The following CHST9 variants were observed in gnomAD, a reference collection of about 807,000 sequenced individuals.
The protein encoded by CHST9 is carbohydrate sulfotransferase 9, also known as GalNAc-4-sulfotransferase 2.
CHST9 carries 41 observed loss-of-function variants against 44.4 expected under a neutral mutation model. The observed-to-expected ratio is 0.92, with a 90% CI of 0.72 to 1.20. The LOEUF is 1.20. Among genes scored for constraint, CHST9 ranks in the 50% most tolerant of loss-of-function variants. CHST9 has a pLI of 0.00. For synonymous variants in CHST9, 171 were observed against 178.4 expected (o/e 0.96, Z 0.33); for missense variants, 504 against 516.5 (o/e 0.98, Z 0.23).
rs2057044874 is a variant in CHST9 at position 27,008,583 on chromosome 18, GAGC to G, written c.202+15530_202+15532del. Among the ~76,000 whole-genome samples the G allele has an allele frequency of 2.6e-5, 4 of 152,268 alleles. No homozygotes were observed. In the South Asian group the frequency reaches 8.3e-4, roughly 32 times the overall value. The stretch of plus-strand genomic sequence containing the variant: ...TTTTGGCTTTGAAACAGTGTGTATT[GAGC>G]AGATGTTTCTTTAAGTTGACAATCC... On this transcript the variant is annotated intron_variant, in intron 4 of 5. Transcript: ENST00000618847.
In CHST9 at chr18:27,151,167, T is replaced by C. The variant is rs533058897; in HGVS notation, c.-96-8262A>G. On this transcript the variant is annotated intron_variant, in intron 1 of 5. Coordinates refer to ENST00000618847, the MANE Select transcript of CHST9 (RefSeq NM_031422.6). ...CTTTATCATTTATTATTTCATTTAC[T>C]AGTTTAGTAGTTAAATAACCCCATT... Among the ~76,000 whole-genome samples, 12 of 152,316 alleles carry C rather than the reference T, an allele frequency of 7.9e-5. No homozygotes were observed. In the East Asian group the frequency reaches 1.4e-3, roughly 17 times the overall value.
chr18:27,112,115 ATATAT>A (rs2058276182), intron 2 of CHST9, among the ~76,000 whole-genome samples: 2 of 148,474 alleles, frequency 1.3e-5, no homozygotes, highest in Non-Finnish European at 3.0e-5. Flanking sequence ...TTAATAATGT[ATATAT>A]TATATTAATA....
chr18:27,105,401 C>A (rs1171913821), intron 2 of CHST9, among the ~76,000 whole-genome samples: 2 of 152,102 alleles, frequency 1.3e-5, no homozygotes, highest in East Asian at 1.9e-4. Flanking sequence ...AATCTGAGGA[C>A]TCATTGTGAT....
At chr18:27,044,714 T>C (rs540036733) in intron 3 of CHST9, among the ~76,000 whole-genome samples, 1 of 152,024 alleles carries the variant, frequency 6.6e-6, no homozygotes, top group Non-Finnish European at 1.5e-5. Flanking sequence ...TCAAAAACAC[T>C]ATAAAAATAG....
At chr18:27,113,565 G>C (rs975579000) in intron 2 of CHST9, among the ~76,000 whole-genome samples, 1 of 152,082 alleles carries the variant, frequency 6.6e-6, no homozygotes, top group Non-Finnish European at 1.5e-5. Context: ...GGTGCCCTTG[G>C]GAATGGGATT....
At chr18:26,919,205 G>A (rs969005716) in intron 5 of CHST9, among the ~76,000 whole-genome samples, 2 of 152,110 alleles carry the variant, frequency 1.3e-5, no homozygotes, top group African/African-American at 4.8e-5. Flanking sequence ...TGAGATTTGG[G>A]TTGGGACACA....
intron 5 of CHST9, among the ~76,000 whole-genome samples, chr18:26,920,162 C>G (rs563853869): frequency 6.6e-6 from 1 of 152,164 alleles, no homozygotes; most frequent in Non-Finnish European, 1.5e-5. Flanking sequence ...AACAGAGGAG[C>G]TCTCCACTTC....
intron 2 of CHST9, among the ~76,000 whole-genome samples, chr18:27,073,942 T>G (rs1447261204): frequency 6.6e-6 from 1 of 152,180 alleles, no homozygotes; most frequent in African/African-American, 2.4e-5. Context: ...TAATCTTAGT[T>G]GCACCCTACA....
At chr18:27,140,162 T>G (rs979026708) in intron 2 of CHST9, among the ~76,000 whole-genome samples, 1 of 152,168 alleles carries the variant, frequency 6.6e-6, no homozygotes, top group African/African-American at 2.4e-5. Flanking sequence ...AGTGATACAT[T>G]GAGCAGAGGC....
chr18:27,141,967 G>T (rs1863630), intron 2 of CHST9, among the ~76,000 whole-genome samples: 121,215 of 152,148 alleles, frequency 0.8, 48,554 homozygotes, highest in East Asian at 0.92. Context: ...TTAACAGTAA[G>T]TGAGTGCCTC....
chr18:26,973,898 ACT>A (rs932169687), intron 4 of CHST9, among the ~76,000 whole-genome samples: 15 of 152,136 alleles, frequency 9.9e-5, no homozygotes, highest in Admixed American at 8.5e-4. Flanking sequence ...TTGTGTTCAG[ACT>A]CTCATGCTGA....
chr18:27,131,456 C>T lies in CHST9; in HGVS notation c.121+11233G>A, dbSNP rs139270294. ...CTTCCAGCTACTTGGGTGGCTGAGG[C>T]AGGAGAATTGCTTGAACCTGGGAGG... On this transcript the variant is annotated intron_variant, in intron 2 of 5. Coordinates refer to ENST00000618847, the MANE Select transcript of CHST9 (RefSeq NM_031422.6). Among the ~76,000 whole-genome samples the T allele has an allele frequency of 2.6e-3, 391 of 152,296 alleles. 11 individuals carry two copies. In the East Asian group the frequency reaches 0.069, roughly 27 times the overall value.
At chr18:27,176,849 A>C (rs1031156163) in intron 1 of CHST9, among the ~76,000 whole-genome samples, 16 of 152,048 alleles carry the variant, frequency 1.1e-4, no homozygotes, top group Non-Finnish European at 1.6e-4. Context: ...TCTATTCTAA[A>C]TGCTGTTCTA....
chr18:26,975,649 G>GTATATA (rs36030325), intron 4 of CHST9, among the ~76,000 whole-genome samples: 16,572 of 126,716 alleles, frequency 0.13, 1,207 homozygotes, highest in Middle Eastern at 0.18. Flanking sequence ...ATGTATGTGT[G>GTATATA]TATATATATA....
At chr18:27,002,180 G>C (rs564412120) in intron 4 of CHST9, among the ~76,000 whole-genome samples, 2 of 152,026 alleles carry the variant, frequency 1.3e-5, no homozygotes. Context: ...CATTCACCCT[G>C]CAGTGCACAA....
At chr18:26,965,234 G>A (rs548005938) in intron 4 of CHST9, among the ~76,000 whole-genome samples, 23 of 152,308 alleles carry the variant, frequency 1.5e-4, no homozygotes, top group Admixed American at 3.3e-4. Context: ...AAGCTGCACT[G>A]TGCGGCCTGC....
intron 4 of CHST9, among the ~76,000 whole-genome samples, chr18:26,961,131 C>T (rs1481447534): frequency 6.6e-6 from 1 of 152,158 alleles, no homozygotes. Flanking sequence ...AGGTGATGAA[C>T]TCAAGCCTCA....
chr18:27,081,971 A>T (rs1340743286), intron 2 of CHST9, among the ~76,000 whole-genome samples: 1 of 152,222 alleles, frequency 6.6e-6, no homozygotes, highest in African/African-American at 2.4e-5. Flanking sequence ...GATGAGACTT[A>T]ATTCTAAAGT....
At chr18:27,114,931 C>G (rs533621200) in intron 2 of CHST9, among the ~76,000 whole-genome samples, 1 of 152,122 alleles carries the variant, frequency 6.6e-6, no homozygotes, top group Non-Finnish European at 1.5e-5. Context: ...ATAATCCCCA[C>G]GTGTCAAGGA....
Sources: gnomAD v4.1 joint callset for allele counts (sites outside exome capture counted in the v4.1 genomes callset) on GRCh38, gnomAD v4.1.1 for gene constraint, MANE v1.5 for transcripts, NCBI Gene and HGNC (gene_info 2026-07-23, HGNC 2026-07-21) for gene names.